Variants in STAU2 observed in about 807,000 individuals in gnomAD.
STAU2 encodes the protein double-stranded RNA-binding protein Staufen homolog 2.
Under a neutral mutation model 65.9 loss-of-function variants are expected in STAU2, and 20 were observed. The observed-to-expected ratio is 0.30, with a 90% CI of 0.21 to 0.44. STAU2 has a LOEUF of 0.44. Ranked by LOEUF, STAU2 falls within the 20% of genes least tolerant of loss-of-function variation. STAU2 has a pLI of 1.00. For missense variants in STAU2, 558 were observed against 683.9 expected (o/e 0.82, Z 2.05); for synonymous variants, 232 against 233.9 (o/e 0.99, Z 0.07).
At chr8:73,573,646 T>C (rs1809284860) in intron 12 of STAU2, among the ~76,000 whole-genome samples, 3 of 152,160 alleles carry the variant, frequency 2.0e-5, no homozygotes, top group African/African-American at 7.2e-5. Flanking sequence ...AAAACAGAAA[T>C]GGGGAGAGGA....
intron 13 of STAU2, among the ~76,000 whole-genome samples, chr8:73,496,534 C>T (rs1371615773): frequency 6.6e-6 from 1 of 151,636 alleles, no homozygotes. Context: ...CTTCTTTGGG[C>T]TTCAATTTCC....
chr8:73,425,799 CTCTT>C (rs1190079141), intron 13 of STAU2, among the ~76,000 whole-genome samples: 1 of 151,952 alleles, frequency 6.6e-6, no homozygotes, highest in Non-Finnish European at 1.5e-5. Flanking sequence ...TTTTTTTTCT[CTCTT>C]TTTTTTTGAG....
chr8:73,540,779 C>T (rs1806489091), intron 13 of STAU2, among the ~76,000 whole-genome samples: 1 of 151,896 alleles, frequency 6.6e-6, no homozygotes, highest in African/African-American at 2.4e-5. Flanking sequence ...GCAGAGATTT[C>T]CCTGGAAAGA....
At chr8:73,719,620 T>A (rs948673369) in intron 3 of STAU2, among the ~76,000 whole-genome samples, 1 of 152,360 alleles carries the variant, frequency 6.6e-6, no homozygotes, top group Middle Eastern at 3.4e-3. Flanking sequence ...ATTACACTAC[T>A]GATTTTTTGG....
chr8:73,688,780 T>G lies in STAU2; in HGVS notation c.148A>C (p.Thr50Pro), dbSNP rs1469549593. Residue 50 changes from threonine (T) to proline (P), a missense_variant, in exon 5 of 15, where the codon ACA becomes CCA. Around this residue, in one of 3 missense-constraint regions of STAU2, gnomAD observed 112 missense variants for 114.2 expected, o/e 0.98. Coordinates refer to ENST00000524300, the MANE Select transcript of STAU2 (RefSeq NM_001164380.2). Reference sequence around the variant, plus strand: ...ATACTGCTGCCTTCGGATTCCCATGTCTGCTCACCAAGACTCAGCTGCACT... The same window carrying G: ...ATACTGCTGCCTTCGGATTCCCATGGCTGCTCACCAAGACTCAGCTGCACT... ...FSVQLSLGEQTWESEGSSIKK... is the reference protein window; with the variant it reads ...FSVQLSLGEQPWESEGSSIKK... 6.2e-7 allele frequency: 1 copy of G among 1,614,180 alleles called. No individual in the cohort carries two copies.
At chr8:73,684,358 G>A (rs1818644907) in intron 5 of STAU2, among the ~76,000 whole-genome samples, 1 of 152,142 alleles carries the variant, frequency 6.6e-6, no homozygotes, top group Admixed American at 6.6e-5. Context: ...ATAAAGTGGG[G>A]AAAGGACATC....
intron 13 of STAU2, among the ~76,000 whole-genome samples, chr8:73,514,870 C>A (rs887192582): frequency 5.9e-5 from 9 of 152,066 alleles, no homozygotes; most frequent in African/African-American, 1.9e-4. Flanking sequence ...TCTCATATAA[C>A]CCTTGCCTCC....
At chr8:73,550,165 A>G in intron 13 of STAU2, 1 of 985,356 alleles carries the variant, frequency 1.0e-6, no homozygotes, top group Non-Finnish European at 1.2e-6. Context: ...TTTTAAAATC[A>G]CCTGTTTATA....
intron 4 of STAU2, among the ~76,000 whole-genome samples, chr8:73,703,079 T>C (rs1006806251): frequency 6.6e-6 from 1 of 152,148 alleles, no homozygotes; most frequent in Non-Finnish European, 1.5e-5. Flanking sequence ...AGAGAAAAGG[T>C]AATATATGTC....
At chr8:73,557,252 ACTTTTCTTC>A (rs1288205797) in intron 12 of STAU2, among the ~76,000 whole-genome samples, 7 of 152,306 alleles carry the variant, frequency 4.6e-5, no homozygotes, top group African/African-American at 1.4e-4. Flanking sequence ...GCCTAAGTGG[ACTTTTCTTC>A]ACAAATAAAG....
chr8:73,551,626 G>GT lies in STAU2; in HGVS notation c.1530+385dup, dbSNP rs558177850. 639 of 992,822 alleles carry GT rather than the reference G, an allele frequency of 6.4e-4. 2 individuals carry two copies. In the African/African-American group the frequency reaches 0.011, roughly 16 times the overall value. 61.5% of individuals were successfully genotyped at this position (992,822 alleles called of 1,614,324 possible). On this transcript the variant is annotated intron_variant, in intron 13 of 14. Coordinates refer to ENST00000524300, the MANE Select transcript of STAU2 (RefSeq NM_001164380.2). Reference sequence around the variant, plus strand: ...TCATAAAAAGAAACTCAATCCTTATGTAAAAAAAGGGAGAACTGAGTGTGA... The same window carrying GT: ...TCATAAAAAGAAACTCAATCCTTATGTTAAAAAAAGGGAGAACTGAGTGTGA...
chr8:73,582,827 C>T lies in STAU2; in HGVS notation c.1165G>A (p.Gly389Arg), dbSNP rs531385400. 1.9e-5 allele frequency: 31 copies of T among 1,610,524 alleles called. No individual in the cohort carries two copies. The Admixed American group carries it at 4.3e-4, about 23-fold the overall frequency. ...TNLQDQLEKT[G>R]ENKGWSGPKP... Reference sequence around the variant, plus strand: ...GGACCACTCCATCCTTTGTTTTCCCCTGTCTGAAAGATTAAATCAATCGTT... The same window carrying T: ...GGACCACTCCATCCTTTGTTTTCCCTTGTCTGAAAGATTAAATCAATCGTT... Residue 389 changes from glycine to arginine, a missense_variant, in exon 12 of 15, where the codon GGG becomes AGG. Physicochemically the swap from Gly to Arg is moderately radical, Grantham distance 125. Transcript: ENST00000524300.
intron 13 of STAU2, among the ~76,000 whole-genome samples, chr8:73,511,970 A>T (rs892383280): frequency 6.6e-6 from 1 of 152,092 alleles, no homozygotes; most frequent in African/African-American, 2.4e-5. Context: ...TCTTTTTCAT[A>T]TGAATGTTTT....
intron 13 of STAU2, among the ~76,000 whole-genome samples, chr8:73,443,435 T>A (rs1818303773): frequency 6.6e-6 from 1 of 152,194 alleles, no homozygotes; most frequent in South Asian, 2.1e-4. Context: ...AATACATGCA[T>A]AGAAAGCAAC....
chr8:73,728,657 C>T (rs1490616789), intron 3 of STAU2, among the ~76,000 whole-genome samples: 3 of 152,154 alleles, frequency 2.0e-5, no homozygotes, highest in African/African-American at 7.2e-5. Context: ...CTTTCATAAG[C>T]AAGTCAACTC....
At chr8:73,693,332 G>A (rs1032397911) in intron 4 of STAU2, among the ~76,000 whole-genome samples, 4 of 151,942 alleles carry the variant, frequency 2.6e-5, no homozygotes, top group South Asian at 2.1e-4. Context: ...AAAATTAGCC[G>A]GGCGTGGTAG....
chr8:73,566,132 A>AT (rs1226758624), intron 12 of STAU2, among the ~76,000 whole-genome samples: 6 of 152,228 alleles, frequency 3.9e-5, no homozygotes, highest in Non-Finnish European at 8.8e-5. Context: ...TGTAAGATGA[A>AT]TTAGTCTTAA....
chr8:73,722,139 T>C (rs951473653), intron 3 of STAU2, among the ~76,000 whole-genome samples: 11 of 152,208 alleles, frequency 7.2e-5, no homozygotes, highest in African/African-American at 2.7e-4. Flanking sequence ...TATTATCACC[T>C]CACACAGAGC....
At chr8:73,747,354 T>G (rs764293055), upstream of STAU2, 3 of 1,534,552 alleles carry the variant, frequency 2.0e-6, no homozygotes, top group African/African-American at 2.7e-5. Context: ...CTCTTTCTGG[T>G]CCGCACCCTG....
Sources: gnomAD v4.1 joint callset for allele counts (sites outside exome capture counted in the v4.1 genomes callset) on GRCh38, gnomAD v4.1.1 for gene constraint, gnomAD v4.1.1 regional missense constraint, MANE v1.5 for transcripts, NCBI Gene and HGNC (gene_info 2026-07-23, HGNC 2026-07-21) for gene names.